Variants in TG observed in about 807,000 individuals in gnomAD.
The protein encoded by TG is thyroglobulin, also known as thyroid hormones.
Under a neutral mutation model 324.7 loss-of-function variants are expected in TG, and 270 were observed. The observed-to-expected ratio is 0.83, with a 90% CI of 0.75 to 0.92. The LOEUF (loss-of-function observed/expected upper bound fraction) is 0.92, where lower values mean the gene tolerates loss of function less well. Ranked by LOEUF, TG falls within the 40% of genes least tolerant of loss-of-function variation. TG has a pLI of 0.00. For missense variants in TG, 3,591 were observed against 3,456.4 expected, an observed-to-expected ratio of 1.04 and a Z score of -0.98; for synonymous variants, 1,401 against 1,327.0, an observed-to-expected ratio of 1.06 and a Z score of -1.21.
intron 34 of TG, among the ~76,000 whole-genome samples, chr8:132,976,226 G>A (rs1830156478): frequency 6.6e-6 from 1 of 152,164 alleles, no homozygotes; most frequent in Non-Finnish European, 1.5e-5. Context: ...AAACAGAAAT[G>A]TATTGGCTCT....
intron 41 of TG, among the ~76,000 whole-genome samples, chr8:133,088,934 T>C (rs1847047771): frequency 6.6e-6 from 1 of 152,188 alleles, no homozygotes; most frequent in African/African-American, 2.4e-5. Context: ...AAATATAAAC[T>C]TGGATGTTTA....
At chr8:132,979,957 C>T (rs1265761312) in intron 34 of TG, among the ~76,000 whole-genome samples, 1 of 152,122 alleles carries the variant, frequency 6.6e-6, no homozygotes, top group African/African-American at 2.4e-5. Flanking sequence ...CCATGACCTC[C>T]TCCTTGGGGT....
intron 35 of TG, among the ~76,000 whole-genome samples, chr8:133,003,830 G>A (rs1203669536): frequency 6.6e-6 from 1 of 152,084 alleles, no homozygotes. Context: ...TGGTTTGCAG[G>A]GGGTATCACC....
chr8:133,007,254 G>C (rs1834091727), intron 35 of TG, among the ~76,000 whole-genome samples: 1 of 152,082 alleles, frequency 6.6e-6, no homozygotes, highest in Non-Finnish European at 1.5e-5. Flanking sequence ...GGGAGAAGGG[G>C]GAGGAGAGGC....
intron 41 of TG, among the ~76,000 whole-genome samples, chr8:133,051,239 A>G (rs1840353007): frequency 6.6e-6 from 1 of 152,172 alleles, no homozygotes; most frequent in Non-Finnish European, 1.5e-5. Context: ...TACTAGCCTC[A>G]CCCTCTCCAT....
At chr8:132,930,360 G>T (rs564364624) in intron 23 of TG, among the ~76,000 whole-genome samples, 51 of 152,300 alleles carry the variant, frequency 3.3e-4, no homozygotes, top group Non-Finnish European at 6.8e-4. Flanking sequence ...ACCTGCTCAT[G>T]TGTGCGTGCA....
rs554374802 is a variant in TG, at chr8:132,919,468, G to A, written c.4471G>A (p.Val1491Ile). 14 of 1,614,144 alleles carry A rather than the reference G, an allele frequency of 8.7e-6. No homozygotes were observed. Among genetic ancestry groups the A allele is most frequent in the South Asian group, 1.1e-5 (1 of 91,080 alleles). ...YQEQAGSLAC[V>I]PCPVGRTTIS... ...AGAACAGGCAGGGAGCTTGGCCTGTGTCCCATGTCCTGTGGGCAGAACGAC... is the reference window on the plus strand; with the variant it reads ...AGAACAGGCAGGGAGCTTGGCCTGTATCCCATGTCCTGTGGGCAGAACGAC... Residue 1491 changes from valine (V) to isoleucine (I), a missense_variant, in exon 21 of 48, where the codon GTC becomes ATC. Physicochemically the swap from Val to Ile is conservative, Grantham distance 29. Transcript: ENST00000220616.
chr8:132,954,168 T>A (rs879810), intron 27 of TG, among the ~76,000 whole-genome samples: 75,045 of 151,814 alleles, frequency 0.49, 20,816 homozygotes, highest in Non-Finnish European at 0.61. Flanking sequence ...GTGGAGAAAG[T>A]TACAGTACAC....
Position 133,131,953 on chromosome 8 carries a change from T to A in TG, c.7997+7T>A. 9.9e-6 allele frequency: 16 copies of A among 1,613,990 alleles called. No individual in the cohort carries two copies. The highest frequency in any genetic ancestry group is 1.4e-5 in the Non-Finnish European group (16 of 1,179,986). The stretch of plus-strand genomic sequence containing the variant: ...CCCACTTCATCAGATCAGGGTAATT[T>A]TGGACCACTTGTTCAGAATTCTGTC... On this transcript the variant is annotated splice_region_variant and intron_variant, in intron 46 of 47. Coordinates refer to ENST00000220616, the MANE Select transcript of TG (RefSeq NM_003235.5).
At chr8:133,072,133 C>T (rs1461721923) in intron 41 of TG, among the ~76,000 whole-genome samples, 1 of 152,184 alleles carries the variant, frequency 6.6e-6, no homozygotes, top group Non-Finnish European at 1.5e-5. Flanking sequence ...CCTCTACACA[C>T]ATATACACAC....
intron 45 of TG, among the ~76,000 whole-genome samples, chr8:133,119,699 G>A (rs536165166): frequency 6.6e-6 from 1 of 152,266 alleles, no homozygotes; most frequent in South Asian, 2.1e-4. Flanking sequence ...GAATTCTGGA[G>A]GGACGTAAAT....
intron 29 of TG, 122 bp downstream of exon 29, chr8:132,963,196 C>A: frequency 1.1e-6 from 1 of 944,126 alleles, no homozygotes; most frequent in Non-Finnish European, 1.7e-6. Context: ...TCCATGGACT[C>A]TCCTTTAATC....
chr8:132,987,720 T>G (rs202121628), intron 35 of TG, among the ~76,000 whole-genome samples: 15 of 93,876 alleles, frequency 1.6e-4, no homozygotes, highest in African/African-American at 3.9e-4. Flanking sequence ...TGTGTGTGTG[T>G]GGTGTGTGTG....
chr8:133,031,513 T>C (rs1472037337), intron 41 of TG, among the ~76,000 whole-genome samples: 1 of 152,130 alleles, frequency 6.6e-6, no homozygotes, highest in Non-Finnish European at 1.5e-5. Context: ...GAAGAATGAA[T>C]TTAAGAGGGG....
At chr8:132,899,289 C>CAG (rs1394410721) in intron 14 of TG, among the ~76,000 whole-genome samples, 1 of 152,254 alleles carries the variant, frequency 6.6e-6, no homozygotes, top group Non-Finnish European at 1.5e-5. Flanking sequence ...TCAACACACA[C>CAG]AGAGGACACC....
At chr8:133,054,625 A>G (rs559830546) in intron 41 of TG, among the ~76,000 whole-genome samples, 31 of 152,310 alleles carry the variant, frequency 2.0e-4, no homozygotes, top group Admixed American at 6.5e-4. Context: ...TTAGCCAATA[A>G]CTTTCTAAAA....
chr8:133,031,987 T>G (rs1466474395), intron 41 of TG, among the ~76,000 whole-genome samples: 1 of 152,170 alleles, frequency 6.6e-6, no homozygotes, highest in Non-Finnish European at 1.5e-5. Flanking sequence ...GTAATTGCTC[T>G]TAGTGCCAAA....
chr8:132,921,211 G>C (rs1037004538), intron 21 of TG, among the ~76,000 whole-genome samples: 2 of 152,168 alleles, frequency 1.3e-5, no homozygotes, highest in African/African-American at 4.8e-5. Flanking sequence ...CCATATATAA[G>C]TTTGGTAAGG....
At chr8:132,926,925 C>G (rs1027982940) in intron 22 of TG, among the ~76,000 whole-genome samples, 2 of 152,140 alleles carry the variant, frequency 1.3e-5, no homozygotes, top group Non-Finnish European at 2.9e-5. Context: ...CTGCAGCTTC[C>G]TGGCACTCCC....
Sources: gnomAD v4.1 joint callset for allele counts (sites outside exome capture counted in the v4.1 genomes callset) on GRCh38, gnomAD v4.1.1 for gene constraint, MANE v1.5 for transcripts, NCBI Gene and HGNC (gene_info 2026-07-23, HGNC 2026-07-21) for gene names.